AFF3: variants seen among roughly 807,000 people sequenced by gnomAD.
AFF3 encodes the protein AF4/FMR2 family member 3.
Under a neutral mutation model 129.7 loss-of-function variants are expected in AFF3, and 32 were observed. That is an observed-to-expected ratio of 0.25 (90% CI 0.19 to 0.33). The LOEUF is 0.33. Among genes scored for constraint, AFF3 ranks in the 10% least tolerant of loss-of-function variants. The probability of loss-of-function intolerance (pLI) is 1.00; values close to 1 mark genes in which losing one functional copy is unlikely to be tolerated. For missense variants in AFF3, 1,373 were observed against 1,592.0 expected, an observed-to-expected ratio of 0.86 and a Z score of 2.34; for synonymous variants, 644 against 635.4, an observed-to-expected ratio of 1.01 and a Z score of -0.20.
At chr2:99,857,130 T>A (rs1211952674) in intron 7 of AFF3, among the ~76,000 whole-genome samples, 1 of 152,192 alleles carries the variant, frequency 6.6e-6, no homozygotes, top group East Asian at 1.9e-4. Flanking sequence ...CTCAAATGAA[T>A]ATTTATTTTC....
chr2:99,631,590 G>C, intron 13 of AFF3, among the ~76,000 whole-genome samples: 1 of 152,256 alleles, frequency 6.6e-6, no homozygotes, highest in Middle Eastern at 3.4e-3. Context: ...GCATATAAGT[G>C]GAATCATACA....
At chr2:99,910,158 C>G (rs1005087843) in intron 7 of AFF3, among the ~76,000 whole-genome samples, 3 of 152,106 alleles carry the variant, frequency 2.0e-5, no homozygotes, top group African/African-American at 7.2e-5. Flanking sequence ...AGAGACTATT[C>G]GCTAAATATT....
At chr2:100,126,689 C>T (rs967116702) in intron 2 of AFF3, among the ~76,000 whole-genome samples, 2 of 152,124 alleles carry the variant, frequency 1.3e-5, no homozygotes, top group Admixed American at 6.5e-5. Flanking sequence ...CTATTTCCCC[C>T]TTGAGAAACT....
intron 13 of AFF3, among the ~76,000 whole-genome samples, chr2:99,646,972 A>G (rs1337698243): frequency 2.0e-5 from 3 of 152,228 alleles, no homozygotes; most frequent in African/African-American, 7.2e-5. Flanking sequence ...TAGAAAAAGA[A>G]TGGCTGTTAT....
chr2:99,888,855 A>C (rs1376003095), intron 7 of AFF3, among the ~76,000 whole-genome samples: 1 of 152,168 alleles, frequency 6.6e-6, no homozygotes, highest in Non-Finnish European at 1.5e-5. Flanking sequence ...CTTAATCAAT[A>C]GCAGTCACAG....
intron 7 of AFF3, among the ~76,000 whole-genome samples, chr2:99,895,831 G>A (rs1291636182): frequency 6.6e-6 from 1 of 152,178 alleles, no homozygotes; most frequent in Non-Finnish European, 1.5e-5. Context: ...TACTCTGGGA[G>A]GCTGAGGTGG....
At chr2:100,120,361 G>A (rs764578394) in intron 2 of AFF3, among the ~76,000 whole-genome samples, 4 of 152,112 alleles carry the variant, frequency 2.6e-5, no homozygotes, top group Non-Finnish European at 5.9e-5. Flanking sequence ...TATCTTTTAT[G>A]GAGGCAAATT....
chr2:99,573,699 C>T (rs1204689936), intron 18 of AFF3, among the ~76,000 whole-genome samples: 1 of 152,220 alleles, frequency 6.6e-6, no homozygotes, highest in African/African-American at 2.4e-5. Context: ...ATGCCATGGC[C>T]TTCAGCGCCT....
intron 13 of AFF3, among the ~76,000 whole-genome samples, chr2:99,602,085 G>T (rs1221572477): frequency 6.6e-6 from 1 of 152,168 alleles, no homozygotes; most frequent in Non-Finnish European, 1.5e-5. Context: ...CAGGGATTAG[G>T]CAGAGGGCTG....
At chr2:100,085,067 C>T (rs1689312737) in intron 4 of AFF3, among the ~76,000 whole-genome samples, 1 of 151,546 alleles carries the variant, frequency 6.6e-6, no homozygotes, top group South Asian at 2.1e-4. Context: ...TTTGAGATGG[C>T]AGTGAACAGA....
intron 7 of AFF3, among the ~76,000 whole-genome samples, chr2:99,872,636 AAATAAAATAAAATTT>A (rs1288483496): frequency 2.0e-5 from 3 of 148,596 alleles, no homozygotes; most frequent in African/African-American, 7.3e-5. Flanking sequence ...AAATAAAATA[AAATAAAATAAAATTT>A]ATCGGTCTAT....
chr2:100,047,212 C>T (rs1685909395), intron 4 of AFF3, among the ~76,000 whole-genome samples: 1 of 152,246 alleles, frequency 6.6e-6, no homozygotes, highest in African/African-American at 2.4e-5. Context: ...CAGTGCTGAG[C>T]CACATGCTAC....
chr2:99,935,308 G>A (rs1674421365), intron 7 of AFF3, among the ~76,000 whole-genome samples: 1 of 152,056 alleles, frequency 6.6e-6, no homozygotes, highest in Non-Finnish European at 1.5e-5. Flanking sequence ...CACTGGCCAT[G>A]TCACTTTCGG....
chr2:99,842,837 A>G (rs889685229), intron 7 of AFF3, among the ~76,000 whole-genome samples: 2 of 152,210 alleles, frequency 1.3e-5, no homozygotes, highest in Non-Finnish European at 2.9e-5. Context: ...AAGGAAAAAG[A>G]GTGTGATCAA....
At chr2:100,070,771 G>A (rs1688117202) in intron 4 of AFF3, among the ~76,000 whole-genome samples, 1 of 152,104 alleles carries the variant, frequency 6.6e-6, no homozygotes, top group Non-Finnish European at 1.5e-5. Context: ...ATAATTACAA[G>A]TGTCAGCTCA....
intron 7 of AFF3, among the ~76,000 whole-genome samples, chr2:99,974,768 A>G (rs1422470812): frequency 6.6e-6 from 1 of 152,214 alleles, no homozygotes; most frequent in African/African-American, 2.4e-5. Context: ...GCAGAAATAA[A>G]AGGCTAATTA....
intron 11 of AFF3, among the ~76,000 whole-genome samples, chr2:99,697,713 T>C (rs1167113889): frequency 6.6e-6 from 1 of 152,246 alleles, no homozygotes; most frequent in Non-Finnish European, 1.5e-5. Flanking sequence ...AATCAGTGGA[T>C]CTGAGTTCTA....
intron 8 of AFF3, among the ~76,000 whole-genome samples, chr2:99,808,028 C>A (rs1576044179): frequency 2.0e-5 from 3 of 149,578 alleles, no homozygotes; most frequent in East Asian, 2.0e-4. Context: ...GGGTAGGAAT[C>A]CCTCCCTCGC....
intron 10 of AFF3, among the ~76,000 whole-genome samples, chr2:99,727,977 G>C (rs1368566810): frequency 6.6e-6 from 1 of 152,160 alleles, no homozygotes; most frequent in African/African-American, 2.4e-5. Context: ...GCTTAAAGCA[G>C]AATGAGATGT....
Sources: allele counts gnomAD v4.1 joint callset (sites outside exome capture counted in the v4.1 genomes callset), GRCh38; gene constraint gnomAD v4.1.1; transcripts MANE v1.5; gene names NCBI Gene and HGNC (gene_info 2026-07-23, HGNC 2026-07-21).